The following CNTNAP2 variants were observed in gnomAD, a reference collection of about 807,000 sequenced individuals.
The protein encoded by CNTNAP2 is contactin associated protein 2.
CNTNAP2 carries 98 observed loss-of-function variants against 155.2 expected under a neutral mutation model. That is an observed-to-expected ratio of 0.63 (90% confidence interval 0.54 to 0.75). The LOEUF (loss-of-function observed/expected upper bound fraction) is 0.75. CNTNAP2 is among the 30% of genes least tolerant of loss of function. The pLI, the probability that CNTNAP2 is intolerant of heterozygous loss-of-function variation, is 0.00. For missense variants in CNTNAP2, 1,727 were observed against 1,688.1 expected (o/e 1.02, Z -0.40); for synonymous variants, 651 against 631.2 (o/e 1.03, Z -0.47).
chr7:146,457,856 C>A (rs1796580550), intron 1 of CNTNAP2, among the ~76,000 whole-genome samples: 1 of 151,762 alleles, frequency 6.6e-6, no homozygotes, highest in Non-Finnish European at 1.5e-5. Flanking sequence ...TTATTTATTT[C>A]TCAAGGCACA....
At chr7:147,755,849 C>T (rs1469815588) in intron 13 of CNTNAP2, among the ~76,000 whole-genome samples, 1 of 152,104 alleles carries the variant, frequency 6.6e-6, no homozygotes, top group Non-Finnish European at 1.5e-5. Flanking sequence ...ATTTTCCACT[C>T]GACCCTTCAA....
At chr7:148,128,361 A>G (rs1804757855) in intron 16 of CNTNAP2, among the ~76,000 whole-genome samples, 1 of 152,230 alleles carries the variant, frequency 6.6e-6, no homozygotes, top group Non-Finnish European at 1.5e-5. Flanking sequence ...CCCCAAAAAT[A>G]AAATTTGAAG....
chr7:146,237,799 T>C (rs1799498396), intron 1 of CNTNAP2, among the ~76,000 whole-genome samples: 1 of 82,256 alleles, frequency 1.2e-5, no homozygotes, highest in South Asian at 5.5e-4. Flanking sequence ...ATTAACATAT[T>C]AAAGGTTCTG....
chr7:146,181,708 T>C (rs1798551956), intron 1 of CNTNAP2, among the ~76,000 whole-genome samples: 1 of 152,196 alleles, frequency 6.6e-6, no homozygotes, highest in Non-Finnish European at 1.5e-5. Flanking sequence ...AGCCTGGCCT[T>C]GTTTCTGTAA....
intron 3 of CNTNAP2, among the ~76,000 whole-genome samples, chr7:146,872,732 A>C (rs988089308): frequency 6.6e-6 from 1 of 152,224 alleles, no homozygotes; most frequent in East Asian, 1.9e-4. Flanking sequence ...CTTAACATCT[A>C]TCTTAGAAAT....
intron 3 of CNTNAP2, among the ~76,000 whole-genome samples, chr7:147,040,044 G>T (rs1454262291): frequency 6.6e-6 from 1 of 152,132 alleles, no homozygotes; most frequent in Non-Finnish European, 1.5e-5. Context: ...AAAAATATTT[G>T]CAAACTTTGC....
chr7:146,876,875 C>T (rs1275085128), intron 3 of CNTNAP2, among the ~76,000 whole-genome samples: 2 of 152,092 alleles, frequency 1.3e-5, no homozygotes, highest in Non-Finnish European at 1.5e-5. Context: ...CTCTGTCATA[C>T]CCATGCATAT....
chr7:147,160,242 G>A (rs775449851), intron 8 of CNTNAP2, among the ~76,000 whole-genome samples: 8 of 151,944 alleles, frequency 5.3e-5, no homozygotes, highest in African/African-American at 1.7e-4. Flanking sequence ...AGAACCATAC[G>A]TGATGTTAGT....
chr7:147,035,661 C>T (rs991058628), intron 3 of CNTNAP2, among the ~76,000 whole-genome samples: 6 of 152,132 alleles, frequency 3.9e-5, no homozygotes, highest in African/African-American at 1.4e-4. Flanking sequence ...TTTAGTTACA[C>T]AATAGCTAAT....
At chr7:148,195,551 C>G (rs1301125377) in intron 18 of CNTNAP2, among the ~76,000 whole-genome samples, 1 of 152,292 alleles carries the variant, frequency 6.6e-6, no homozygotes, top group South Asian at 2.1e-4. Context: ...AAGCATCCCA[C>G]TTAAGCACAA....
At position 146,374,335 on chromosome 7, in the gene CNTNAP2, G is replaced by A. The variant is rs188097527; in HGVS notation, c.97+257362G>A. On this transcript the variant is annotated intron_variant, in intron 1 of 23. Transcript: ENST00000361727. ...TTCACTCACAAATCTTAGCAATCTC[G>A]ATAGTCATAGAAATATTTAATGTCT... 3.1e-3 allele frequency among the ~76,000 whole-genome samples: 470 copies of A among 152,256 alleles called. 2 individuals are homozygous for A. The highest frequency in any genetic ancestry group is 0.011 in the African/African-American group (453 of 41,546).
chr7:147,818,986 A>G (rs990877390), intron 13 of CNTNAP2, among the ~76,000 whole-genome samples: 7 of 152,154 alleles, frequency 4.6e-5, no homozygotes, highest in Non-Finnish European at 8.8e-5. Context: ...CATTCTAGAG[A>G]CATTGAATCC....
chr7:147,404,814 A>AC (rs1478251404), intron 10 of CNTNAP2, among the ~76,000 whole-genome samples: 1 of 152,182 alleles, frequency 6.6e-6, no homozygotes, highest in Non-Finnish European at 1.5e-5. Context: ...ACCCAGGCGA[A>AC]CCCATGTTCA....
chr7:146,446,901 C>T (rs1796409946), intron 1 of CNTNAP2, among the ~76,000 whole-genome samples: 1 of 151,960 alleles, frequency 6.6e-6, no homozygotes, highest in Non-Finnish European at 1.5e-5. Flanking sequence ...TATCTTAGTC[C>T]AGCTCTGTAT....
At chr7:147,464,619 T>C (rs533569334) in intron 10 of CNTNAP2, among the ~76,000 whole-genome samples, 60 of 152,162 alleles carry the variant, frequency 3.9e-4, no homozygotes, top group African/African-American at 1.2e-3. Flanking sequence ...AAATAAGGAG[T>C]TCTGTAATTT....
intron 15 of CNTNAP2, among the ~76,000 whole-genome samples, chr7:148,017,026 A>G (rs1802190688): frequency 6.6e-6 from 1 of 152,240 alleles, no homozygotes; most frequent in African/African-American, 2.4e-5. Context: ...TGATTCATAT[A>G]TTATGCACTG....
intron 1 of CNTNAP2, among the ~76,000 whole-genome samples, chr7:146,686,270 G>C (rs1469463126): frequency 6.6e-6 from 1 of 151,976 alleles, no homozygotes; most frequent in Non-Finnish European, 1.5e-5. Flanking sequence ...ACTCCAGCCT[G>C]AGTGACAGAG....
At chr7:147,699,485 G>A (rs1389450172) in intron 13 of CNTNAP2, among the ~76,000 whole-genome samples, 2 of 151,984 alleles carry the variant, frequency 1.3e-5, no homozygotes, top group African/African-American at 4.8e-5. Flanking sequence ...AGCATTAGGA[G>A]AAATACCTAA....
intron 13 of CNTNAP2, among the ~76,000 whole-genome samples, chr7:147,696,289 G>T (rs1363007119): frequency 6.6e-6 from 1 of 151,954 alleles, no homozygotes; most frequent in Non-Finnish European, 1.5e-5. Flanking sequence ...TGCTTTTTGT[G>T]GTTCTGAGGA....
Sources: gnomAD v4.1 joint callset for allele counts (sites outside exome capture counted in the v4.1 genomes callset) on GRCh38, gnomAD v4.1.1 for gene constraint, MANE v1.5 for transcripts, NCBI Gene and HGNC (gene_info 2026-07-23, HGNC 2026-07-21) for gene names.